The following UGT1A6 variants were observed in gnomAD, a reference collection of about 807,000 sequenced individuals.
UGT1A6 encodes the protein UDP-glucuronosyltransferase 1A6.
In UGT1A6, 32 loss-of-function variants were observed where a neutral mutation model predicts 44.4. The observed-to-expected ratio is 0.72, with a 90% confidence interval of 0.54 to 0.97. The LOEUF is 0.97. UGT1A6 is among the 50% of genes least tolerant of loss of function. The probability of loss-of-function intolerance (pLI) is 0.00; values close to 1 mark genes in which losing one functional copy is unlikely to be tolerated. For missense variants in UGT1A6, 685 were observed against 661.9 expected (o/e 1.03, Z -0.38); for synonymous variants, 238 against 248.5 (o/e 0.96, Z 0.40).
At chr2:233,698,012 A>G (rs1043997277) in intron 1 of UGT1A6, among the ~76,000 whole-genome samples, 2 of 152,200 alleles carry the variant, frequency 1.3e-5, no homozygotes, top group African/African-American at 2.4e-5. Flanking sequence ...ATTTCTGCAC[A>G]TTGGTACCAA....
At chr2:233,759,114 A>T (rs1268154790) in intron 1 of UGT1A6, among the ~76,000 whole-genome samples, 1 of 152,228 alleles carries the variant, frequency 6.6e-6, no homozygotes, top group Non-Finnish European at 1.5e-5. Context: ...CAAACCAGGG[A>T]GTTACAGCCT....
intron 1 of UGT1A6, chr2:233,740,890 A>G (rs1162422597): frequency 6.6e-6 from 1 of 150,830 alleles, no homozygotes; most frequent in Non-Finnish European, 1.5e-5. Context: ...TGCAGGGACA[A>G]CATAGTAGGT....
intron 1 of UGT1A6, among the ~76,000 whole-genome samples, chr2:233,700,609 TG>T (rs34100835): frequency 2.6e-5 from 4 of 152,150 alleles, no homozygotes; most frequent in Non-Finnish European, 5.9e-5. Context: ...ACTCTTTTTT[TG>T]GGGGGGTTCC....
intron 1 of UGT1A6, among the ~76,000 whole-genome samples, chr2:233,702,442 T>C (rs2125589927): frequency 6.6e-6 from 1 of 152,304 alleles, no homozygotes; most frequent in Non-Finnish European, 1.5e-5. Context: ...CTAATAAGGA[T>C]AACATTTATT....
chr2:233,771,360 A>G (rs1369585648), intron 4 of UGT1A6: 1 of 151,838 alleles, frequency 6.6e-6, no homozygotes, highest in African/African-American at 2.4e-5. Flanking sequence ...GGGTTGAAGC[A>G]CCTAACCCGT....
Position 233,760,394 on chromosome 2 carries a change from A to G in UGT1A6, c.862-6640A>G, listed in dbSNP as rs1244863017. On this transcript the variant is annotated intron_variant, in intron 1 of 4. Coordinates refer to ENST00000305139, the MANE Select transcript of UGT1A6 (RefSeq NM_001072.4). ...GGGAAGATACTGTTGATCCCAGTGG[A>G]TGGCAGCCACTGGCTGAGCATGCTT... 2.5e-6 allele frequency: 4 copies of G among 1,614,048 alleles called. No individual in the cohort carries two copies. Among genetic ancestry groups the G allele is most frequent in the African/African-American group, 1.3e-5 (1 of 74,926 alleles).
chr2:233,713,640 C>A (rs2076335946), intron 1 of UGT1A6: 5 of 1,613,940 alleles, frequency 3.1e-6, no homozygotes, highest in Non-Finnish European at 4.2e-6. Flanking sequence ...CATGCTCTAC[C>A]CTCTGGCCCT....
At chr2:233,731,645 T>A (rs910994370) in intron 1 of UGT1A6, among the ~76,000 whole-genome samples, 2 of 152,242 alleles carry the variant, frequency 1.3e-5, no homozygotes, top group Non-Finnish European at 2.9e-5. Context: ...TAGTATTCCA[T>A]GGTGTATATG....
intron 1 of UGT1A6, among the ~76,000 whole-genome samples, chr2:233,756,771 G>T (rs1424521769): frequency 2.0e-5 from 3 of 152,000 alleles, no homozygotes; most frequent in Admixed American, 6.5e-5. Flanking sequence ...TGGATTCTTT[G>T]CTTTGATAAA....
chr2:233,705,563 G>A (rs775639563), intron 1 of UGT1A6, among the ~76,000 whole-genome samples: 1 of 152,172 alleles, frequency 6.6e-6, no homozygotes, highest in Non-Finnish European at 1.5e-5. Context: ...ATTGCTTGTG[G>A]CAAGGGATAG....
chr2:233,746,871 T>C (rs1693501074), intron 1 of UGT1A6, among the ~76,000 whole-genome samples: 1 of 151,612 alleles, frequency 6.6e-6, no homozygotes, highest in Admixed American at 6.5e-5. Flanking sequence ...CTGATAAACG[T>C]GGTTAACAGA....
rs1302197781 is a variant in UGT1A6, at chr2:233,744,044, A to G, written c.862-22990A>G. ...GAGACGCCCCTTATGACGCAGCCAC[A>G]TCTCATTGGTCGAGGCCTATGAGCG... is the stretch of plus-strand genomic sequence containing the variant. On this transcript the variant is annotated intron_variant, in intron 1 of 4. Coordinates refer to ENST00000305139, the MANE Select transcript of UGT1A6 (RefSeq NM_001072.4). 3 of 731,946 alleles carry G rather than the reference A, an allele frequency of 4.1e-6. No homozygotes were observed. In the Admixed American group the frequency reaches 1.1e-4, roughly 26 times the overall value. The allele number at this position is 731,946 out of a possible 1,614,324, so 45.3% of individuals were successfully genotyped here. A position where few individuals can be genotyped will look rare whatever the true frequency, so the allele number is the denominator to read the frequency against.
intron 1 of UGT1A6, among the ~76,000 whole-genome samples, chr2:233,739,315 G>A (rs1559383204): frequency 6.6e-6 from 1 of 152,196 alleles, no homozygotes; most frequent in Non-Finnish European, 1.5e-5. Context: ...GTGGAGTTGT[G>A]AGAAGAAGGC....
At position 233,693,627 on chromosome 2, in the gene UGT1A6, G is replaced by T; in HGVS notation, c.623G>T (p.Arg208Leu). 2 of 1,614,182 alleles carry T rather than the reference G, an allele frequency of 1.2e-6. No individual in the cohort carries two copies. Among genetic ancestry groups the T allele is most frequent in the Non-Finnish European group, 1.7e-6 (2 of 1,180,036 alleles). ...TCAGACCACATGACTTTTTCCCAAC[G>T]AGTGGCCAACTTCCTTGTTAATTTG... ...KFSDHMTFSQ[R>L]VANFLVNLLE... Residue 208 changes from arginine (R) to leucine (L), a missense_variant, in exon 1 of 5, where the codon CGA becomes CTA. By Grantham distance (102) the Arg-to-Leu change is moderately radical. Transcript: ENST00000305139.
intron 1 of UGT1A6, among the ~76,000 whole-genome samples, chr2:233,738,020 A>G (rs1165451282): frequency 6.6e-6 from 1 of 152,034 alleles, no homozygotes; most frequent in African/African-American, 2.4e-5. Context: ...TTGAATTGTA[A>G]TCCCCATAAT....
chr2:233,761,518 T>G (rs780967719), intron 1 of UGT1A6, among the ~76,000 whole-genome samples: 1 of 152,242 alleles, frequency 6.6e-6, no homozygotes, highest in Non-Finnish European at 1.5e-5. Flanking sequence ...GCAGGCAATG[T>G]TCAGGACTGA....
At chr2:233,724,138 G>A (rs2077174540) in intron 1 of UGT1A6, among the ~76,000 whole-genome samples, 1 of 122,456 alleles carries the variant, frequency 8.2e-6, no homozygotes, top group Non-Finnish European at 1.7e-5. Context: ...CTCCCGGACG[G>A]GGCGGCTGGC....
intron 1 of UGT1A6, among the ~76,000 whole-genome samples, chr2:233,757,540 A>ATATATATATATATATATATATATATG (rs1696599685): frequency 2.6e-5 from 3 of 116,538 alleles, no homozygotes; most frequent in Non-Finnish European, 5.4e-5. Flanking sequence ...TAAGGAATAT[A>ATATATATATATATATATATATATATG]TATATATATA....
chr2:233,757,535 AATATATATATAT>A (rs67292694), intron 1 of UGT1A6, among the ~76,000 whole-genome samples: 4 of 88,300 alleles, frequency 4.5e-5, no homozygotes, highest in African/African-American at 5.0e-5. Flanking sequence ...GCCTGTAAGG[AATATATATATAT>A]ATATATATAT....
Sources: gnomAD v4.1 joint callset for allele counts (sites outside exome capture counted in the v4.1 genomes callset) on GRCh38, gnomAD v4.1.1 for gene constraint, MANE v1.5 for transcripts, NCBI Gene and HGNC (gene_info 2026-07-23, HGNC 2026-07-21) for gene names.